BMPER: variants seen among roughly 807,000 people sequenced by gnomAD.
BMPER encodes the protein BMP binding endothelial regulator, also known as BMP-binding endothelial regulator protein.
Under a neutral mutation model 87.3 loss-of-function variants are expected in BMPER, and 45 were observed. The observed-to-expected ratio is 0.52, with a 90% CI of 0.41 to 0.66. The LOEUF (loss-of-function observed/expected upper bound fraction) is 0.66, where lower values mean the gene tolerates loss of function less well. Ranked by LOEUF, BMPER falls within the 30% of genes least tolerant of loss-of-function variation. BMPER has a pLI of 0.00. For synonymous variants in BMPER, 326 were observed against 316.2 expected (o/e 1.03, Z -0.33); for missense variants, 784 against 867.5 (o/e 0.90, Z 1.21).
intron 13 of BMPER, among the ~76,000 whole-genome samples, chr7:34,119,380 T>G (rs985448545): frequency 1.2e-4 from 18 of 152,204 alleles, no homozygotes; most frequent in Admixed American, 1.0e-3. Flanking sequence ...AATTTTGTAT[T>G]CTGCTTTTTC....
chr7:34,114,917 C>T (rs1790070323), intron 13 of BMPER, among the ~76,000 whole-genome samples: 1 of 152,134 alleles, frequency 6.6e-6, no homozygotes, highest in South Asian at 2.1e-4. Context: ...AGGCCACCCA[C>T]AAAACAGTAA....
intron 13 of BMPER, among the ~76,000 whole-genome samples, chr7:34,132,490 T>C (rs947104283): frequency 6.6e-6 from 1 of 152,350 alleles, no homozygotes; most frequent in Non-Finnish European, 1.5e-5. Flanking sequence ...TCTTTCTTTC[T>C]GCATTTCCCA....
chr7:34,147,114 A>T (rs1459786224), intron 14 of BMPER, among the ~76,000 whole-genome samples: 1 of 152,120 alleles, frequency 6.6e-6, no homozygotes, highest in African/African-American at 2.4e-5. Context: ...AGCATAACGG[A>T]TGGTTTGCTG....
intron 3 of BMPER, among the ~76,000 whole-genome samples, chr7:33,940,376 T>G (rs1405497889): frequency 1.3e-5 from 2 of 152,172 alleles, no homozygotes; most frequent in Non-Finnish European, 2.9e-5. Flanking sequence ...TATACTTTGA[T>G]TTTTAGCTTT....
intron 12 of BMPER, 48 bp from the exon 13 acceptor site, chr7:34,085,708 A>G (rs777640199): frequency 6.7e-7 from 1 of 1,492,174 alleles, no homozygotes. Context: ...GGGAATTATT[A>G]GTGCGTTAAT....
intron 11 of BMPER, among the ~76,000 whole-genome samples, chr7:34,073,357 T>G (rs1788784650): frequency 6.6e-6 from 1 of 152,248 alleles, no homozygotes. Flanking sequence ...CTATTGCTAC[T>G]AGGCTACAAA....
chr7:34,118,559 G>A (rs1050208544), intron 13 of BMPER, among the ~76,000 whole-genome samples: 2 of 152,112 alleles, frequency 1.3e-5, no homozygotes, highest in African/African-American at 4.8e-5. Context: ...CAGTGCCTGT[G>A]TGGCATGTAT....
At chr7:34,062,091 C>T (rs780646945) in intron 11 of BMPER, 44 bp downstream of exon 11, 5 of 1,554,416 alleles carry the variant, frequency 3.2e-6, no homozygotes, top group African/African-American at 1.4e-5. Flanking sequence ...ATTTGTTTTG[C>T]ATTTTATAGT....
chr7:34,076,284 C>T (rs1788862846), intron 11 of BMPER, among the ~76,000 whole-genome samples: 2 of 152,008 alleles, frequency 1.3e-5, no homozygotes, highest in African/African-American at 4.8e-5. Flanking sequence ...CTACAAGTGC[C>T]CACAGTTTGA....
Position 34,067,780 on chromosome 7 carries a change from C to T in BMPER, c.1078+5733C>T, listed in dbSNP as rs549020180. ...ACATGGTGGCTGGGAGATCCCACAC[C>T]GGTAGAAGCCACGCTGGAAGGAGCA... On this transcript the variant is annotated intron_variant, in intron 11 of 14. Coordinates refer to ENST00000649409, the MANE Select transcript of BMPER (RefSeq NM_001365308.1). Among the ~76,000 whole-genome samples the T allele has an allele frequency of 9.2e-5, 14 of 152,308 alleles. No homozygotes were observed. In the South Asian group the frequency reaches 2.1e-3, roughly 23 times the overall value.
At chr7:34,009,316 C>T (rs1196937946) in intron 6 of BMPER, among the ~76,000 whole-genome samples, 1 of 151,722 alleles carries the variant, frequency 6.6e-6, no homozygotes. Flanking sequence ...GAGATTAGAC[C>T]TTATTCTTTC....
intron 13 of BMPER, among the ~76,000 whole-genome samples, chr7:34,124,760 T>G (rs1357292465): frequency 6.6e-6 from 1 of 152,168 alleles, no homozygotes; most frequent in Non-Finnish European, 1.5e-5. Flanking sequence ...CCTCTGATAT[T>G]TCATTGTTAA....
intron 13 of BMPER, among the ~76,000 whole-genome samples, chr7:34,106,736 A>G (rs1354213314): frequency 6.6e-6 from 1 of 152,182 alleles, no homozygotes; most frequent in African/African-American, 2.4e-5. Flanking sequence ...CTTTAACTTG[A>G]CATCTAAGGT....
At chr7:33,931,101 C>T (rs868531260) in intron 2 of BMPER, among the ~76,000 whole-genome samples, 2 of 152,182 alleles carry the variant, frequency 1.3e-5, no homozygotes, top group Non-Finnish European at 1.5e-5. Flanking sequence ...TACATGGTAC[C>T]TCTCATAGGT....
At chr7:34,151,397 G>A (rs1791172687) in intron 14 of BMPER, among the ~76,000 whole-genome samples, 1 of 152,332 alleles carries the variant, frequency 6.6e-6, no homozygotes, top group African/African-American at 2.4e-5. Context: ...GGAAGACAGA[G>A]TAAATATGAT....
chr7:33,925,299 T>G (rs1156418695), intron 2 of BMPER, among the ~76,000 whole-genome samples: 6 of 152,210 alleles, frequency 3.9e-5, no homozygotes, highest in African/African-American at 1.4e-4. Context: ...CTTTGTACTC[T>G]AAACTTTGCT....
At chr7:34,051,063 A>T (rs1412264507) in intron 7 of BMPER, among the ~76,000 whole-genome samples, 1 of 152,192 alleles carries the variant, frequency 6.6e-6, no homozygotes, top group East Asian at 1.9e-4. Context: ...GTCCAAGAAC[A>T]AGGTGCTAGC....
At chr7:33,961,421 C>T (rs1785268406) in intron 3 of BMPER, among the ~76,000 whole-genome samples, 1 of 152,170 alleles carries the variant, frequency 6.6e-6, no homozygotes, top group Admixed American at 6.5e-5. Flanking sequence ...TTGTGAATGA[C>T]ATGAGCAGGC....
chr7:34,022,181 G>C (rs1255336327), intron 6 of BMPER, among the ~76,000 whole-genome samples: 1 of 151,980 alleles, frequency 6.6e-6, no homozygotes, highest in African/African-American at 2.4e-5. Flanking sequence ...ACAAGGTTCT[G>C]GAAGCTGCTT....
Sources: gnomAD v4.1 joint callset for allele counts (sites outside exome capture counted in the v4.1 genomes callset) on GRCh38, gnomAD v4.1.1 for gene constraint, MANE v1.5 for transcripts, NCBI Gene and HGNC (gene_info 2026-07-23, HGNC 2026-07-21) for gene names.